Variants in BMERB1 observed in about 807,000 individuals in gnomAD.
BMERB1 encodes the protein bMERB domain containing 1.
BMERB1 carries 12 observed loss-of-function variants against 23.6 expected under a neutral mutation model. That is an observed-to-expected ratio of 0.51 (90% CI 0.33 to 0.82). The LOEUF (loss-of-function observed/expected upper bound fraction) is 0.82. BMERB1 is among the 40% of genes least tolerant of loss of function. BMERB1 has a pLI of 0.03. For synonymous variants in BMERB1, 122 were observed against 96.6 expected (o/e 1.26, Z -1.54); for missense variants, 247 against 255.4 (o/e 0.97, Z 0.22).
rs760370740 is a variant in BMERB1, at chr16:15,586,873, CTCTTG to C, written c.*49_*53del. 41 of 1,288,564 alleles carry C rather than the reference CTCTTG, an allele frequency of 3.2e-5. No individual in the cohort carries two copies. The African/African-American group carries it at 3.7e-4, about 12-fold the overall frequency. The allele number at this position is 1,288,564 out of a possible 1,614,324, so 79.8% of individuals were successfully genotyped here. A position where few individuals can be genotyped will look rare whatever the true frequency, so the allele number is the denominator to read the frequency against. ...TGGGCCATGGGGACCCCCCCCCACCCTCTTGTCTTTATAGCCCCCATTTCACCGGG... is the reference window on the plus strand; with the variant it reads ...TGGGCCATGGGGACCCCCCCCCACCCTCTTTATAGCCCCCATTTCACCGGG... On this transcript the variant is annotated 3_prime_UTR_variant, in exon 6 of 6. Coordinates refer to ENST00000300006, the MANE Select transcript of BMERB1 (RefSeq NM_033201.3).
At position 15,581,008 on chromosome 16, in the gene BMERB1, C is replaced by T. The variant is rs148684561; in HGVS notation, c.305-209C>T. Among the ~76,000 whole-genome samples the T allele has an allele frequency of 1.9e-3, 282 of 151,736 alleles. 1 individual carries two copies. Among genetic ancestry groups the T allele is most frequent in the African/African-American group, 6.5e-3 (269 of 41,360 alleles). On this transcript the variant is annotated intron_variant, in intron 3 of 5. Transcript: ENST00000300006. The stretch of plus-strand genomic sequence containing the variant: ...GCCTCCCAGGTTCAAGCAATTCTCC[C>T]GCCTCCCGAGGTGGTGGCTGACAGC...
chr16:15,478,219 A>T (rs915263317), intron 1 of BMERB1, among the ~76,000 whole-genome samples: 19 of 151,858 alleles, frequency 1.3e-4, no homozygotes, highest in Admixed American at 7.2e-4. Context: ...GTGCAGTGGC[A>T]CAATCTCGGC....
chr16:15,522,822 G>T lies in BMERB1; in HGVS notation c.230+7394G>T, dbSNP rs563653137. 5.4e-3 allele frequency among the ~76,000 whole-genome samples: 815 copies of T among 152,260 alleles called. 5 individuals are homozygous for T. The highest frequency in any genetic ancestry group is 0.017 in the Middle Eastern group (5 of 294). On this transcript the variant is annotated intron_variant, in intron 2 of 5. Coordinates refer to ENST00000300006, the MANE Select transcript of BMERB1 (RefSeq NM_033201.3). Reference sequence around the variant, plus strand: ...ATCTGATCCCACGGCAGTGTCTAGGGGTGGATGTTTACAACTCCTGAAGCT... The same window carrying T: ...ATCTGATCCCACGGCAGTGTCTAGGTGTGGATGTTTACAACTCCTGAAGCT...
intron 1 of BMERB1, among the ~76,000 whole-genome samples, chr16:15,446,939 C>A (rs1037420820): frequency 2.0e-5 from 3 of 152,138 alleles, no homozygotes; most frequent in Non-Finnish European, 4.4e-5. Context: ...GAAAGGCTTT[C>A]TTTGAATGAT....
intron 2 of BMERB1, among the ~76,000 whole-genome samples, chr16:15,517,084 C>G (rs2051770288): frequency 6.6e-6 from 1 of 152,228 alleles, no homozygotes. Flanking sequence ...TTCCTTTTCA[C>G]AGACATCTCT....
At chr16:15,441,251 G>C (rs1156381448) in intron 1 of BMERB1, among the ~76,000 whole-genome samples, 1 of 152,114 alleles carries the variant, frequency 6.6e-6, no homozygotes. Flanking sequence ...ACAGGGTCTC[G>C]CTTGTCACCC....
rs549422600 is a variant in BMERB1 at position 15,440,804 on chromosome 16, T to C, written c.106+6045T>C. On this transcript the variant is annotated intron_variant, in intron 1 of 5. Coordinates refer to ENST00000300006, the MANE Select transcript of BMERB1 (RefSeq NM_033201.3). ...AAAGTCCCTGCCCACATAAAGCTTC[T>C]GTTTAGGGGAAGTTAAGACCTGGGT... is the stretch of plus-strand genomic sequence containing the variant. 1.2e-3 allele frequency among the ~76,000 whole-genome samples: 189 copies of C among 152,300 alleles called. 1 individual carries two copies. Among genetic ancestry groups the C allele is most frequent in the South Asian group, 2.5e-3 (12 of 4,828 alleles).
intron 3 of BMERB1, among the ~76,000 whole-genome samples, chr16:15,575,599 A>C (rs763291415): frequency 5.9e-5 from 9 of 152,184 alleles, no homozygotes; most frequent in Non-Finnish European, 8.8e-5. Flanking sequence ...AAACAAAATA[A>C]GCGAGGAAAG....
At chr16:15,544,538 C>T (rs1471755579) in intron 2 of BMERB1, among the ~76,000 whole-genome samples, 5 of 152,166 alleles carry the variant, frequency 3.3e-5, no homozygotes, top group Admixed American at 1.3e-4. Flanking sequence ...TAAATTACTT[C>T]CTACACTGTG....
intron 1 of BMERB1, among the ~76,000 whole-genome samples, chr16:15,440,135 C>T (rs1028392361): frequency 6.7e-6 from 1 of 149,286 alleles, no homozygotes; most frequent in Non-Finnish European, 1.5e-5. Context: ...GTCCCAGCTA[C>T]TAGGGAGGCT....
chr16:15,544,175 G>A (rs1481100321), intron 2 of BMERB1, among the ~76,000 whole-genome samples: 1 of 152,186 alleles, frequency 6.6e-6, no homozygotes, highest in Non-Finnish European at 1.5e-5. Context: ...GCAATCTTAT[G>A]CTAAGGTTTT....
At chr16:15,502,044 A>G (rs2051535393) in intron 1 of BMERB1, among the ~76,000 whole-genome samples, 1 of 152,212 alleles carries the variant, frequency 6.6e-6, no homozygotes, top group Non-Finnish European at 1.5e-5. Flanking sequence ...ATTTACAGAT[A>G]AGGAAACTGA....
chr16:15,559,374 T>G lies in BMERB1; in HGVS notation c.231-8609T>G, dbSNP rs1025089345. Among the ~76,000 whole-genome samples, 6 of 152,052 alleles carry G rather than the reference T, an allele frequency of 3.9e-5. 1 individual carries two copies. The highest frequency in any genetic ancestry group is 8.8e-5 in the Non-Finnish European group (6 of 68,006). On this transcript the variant is annotated intron_variant, in intron 2 of 5. Coordinates refer to ENST00000300006, the MANE Select transcript of BMERB1 (RefSeq NM_033201.3). Reference sequence around the variant, plus strand: ...GCGGGAGGGGAAGGTCTACAACCAGTCATGCCCGCTGCAACTCATGGAGCC... The same window carrying G: ...GCGGGAGGGGAAGGTCTACAACCAGGCATGCCCGCTGCAACTCATGGAGCC...
intron 2 of BMERB1, among the ~76,000 whole-genome samples, chr16:15,548,604 A>G (rs2029992716): frequency 6.6e-6 from 1 of 152,124 alleles, no homozygotes; most frequent in Non-Finnish European, 1.5e-5. Context: ...CAGCCAGTTA[A>G]ACATTCCCCA....
At chr16:15,533,692 TA>T (rs1055254980) in intron 2 of BMERB1, among the ~76,000 whole-genome samples, 3 of 152,150 alleles carry the variant, frequency 2.0e-5, no homozygotes, top group Admixed American at 2.0e-4. Flanking sequence ...AGTCTATGCA[TA>T]AGCAGAGAAA....
chr16:15,438,497 T>C (rs1011954907), intron 1 of BMERB1, among the ~76,000 whole-genome samples: 15 of 151,090 alleles, frequency 9.9e-5, no homozygotes, highest in Admixed American at 6.6e-4. Flanking sequence ...GGTCTTGCTC[T>C]GTCGCCCAGG....
intron 2 of BMERB1, among the ~76,000 whole-genome samples, chr16:15,567,778 C>CA (rs1486017320): frequency 6.6e-6 from 1 of 151,946 alleles, no homozygotes; most frequent in East Asian, 1.9e-4. Context: ...AACAAACAAA[C>CA]AAAAAACAGT....
At chr16:15,506,968 G>T (rs1270437305) in intron 1 of BMERB1, among the ~76,000 whole-genome samples, 2 of 152,138 alleles carry the variant, frequency 1.3e-5, no homozygotes, top group African/African-American at 2.4e-5. Flanking sequence ...ACCTCTCTAA[G>T]CCTCATTTTA....
At chr16:15,520,986 CTCCTCCCGAGTTCCTGTTTTCTTCATG>C (rs1470566839) in intron 2 of BMERB1, among the ~76,000 whole-genome samples, 1 of 151,930 alleles carries the variant, frequency 6.6e-6, no homozygotes, top group Non-Finnish European at 1.5e-5. Flanking sequence ...TGCTTCCTTG[CTCCTCCCGAGTTCCTGTTTTCTTCATG>C]ATTGCTTCCT....
Sources: gnomAD v4.1 joint callset for allele counts (sites outside exome capture counted in the v4.1 genomes callset) on GRCh38, gnomAD v4.1.1 for gene constraint, MANE v1.5 for transcripts, NCBI Gene and HGNC (gene_info 2026-07-23, HGNC 2026-07-21) for gene names.